The following IFT172 variants were observed in gnomAD, a reference collection of about 807,000 sequenced individuals.
The protein encoded by IFT172 is intraflagellar transport 172, also known as intraflagellar transport protein 172 homolog.
In IFT172, 164 loss-of-function variants were observed where a neutral mutation model predicts 248.9. That is an observed-to-expected ratio of 0.66 (90% CI 0.58 to 0.75). The LOEUF is 0.75. Among genes scored for constraint, IFT172 ranks in the 30% least tolerant of loss-of-function variants. The pLI is 0.00. For synonymous variants in IFT172, 729 were observed against 791.6 expected (o/e 0.92, Z 1.33); for missense variants, 1,950 against 2,192.4 (o/e 0.89, Z 2.21).
At chr2:27,467,418 GAAAAAAAAAAAAAAA>G (rs34115935) in intron 16 of IFT172, among the ~76,000 whole-genome samples, 474 of 16,436 alleles carry the variant, frequency 0.029, 11 homozygotes, top group Non-Finnish European at 0.039. Flanking sequence ...ACAGAAAATT[GAAAAAAAAAAAAAAA>G]AAAAAAAAAA....
At chr2:27,457,094 G>C (rs899084153) in intron 29 of IFT172, among the ~76,000 whole-genome samples, 1 of 151,976 alleles carries the variant, frequency 6.6e-6, no homozygotes, top group Non-Finnish European at 1.5e-5. Context: ...TAAATTTCAG[G>C]GTTTCTTAAC....
At chr2:27,460,812 T>G (rs1218201637) in intron 23 of IFT172, among the ~76,000 whole-genome samples, 1 of 135,874 alleles carries the variant, frequency 7.4e-6, no homozygotes, top group Non-Finnish European at 1.6e-5. Flanking sequence ...GGATCCTCCA[T>G]ATGCTGAACG....
rs763640881 is a variant in IFT172, at chr2:27,458,848, A to G, written c.2808T>C (p.Thr936=). The G allele has an allele frequency of 6.2e-7, 1 of 1,614,178 alleles. No individual in the cohort carries two copies. Among genetic ancestry groups the G allele is most frequent in the South Asian group, 1.1e-5 (1 of 91,080 alleles). Reference sequence around the variant, plus strand: ...TGGCATCTTTTGTCCGATCTCCCTTAGTATAGAGCTCCTCAGCAATCTGTA... The same window carrying G: ...TGGCATCTTTTGTCCGATCTCCCTTGGTATAGAGCTCCTCAGCAATCTGTA... ...QEYEIAEELY[T]KGDRTKDAID... is the part of the protein sequence containing the mutation. Residue 936 remains threonine (T), a synonymous_variant, in exon 26 of 48, where the codon ACT becomes ACC. Transcript: ENST00000260570.
chr2:27,483,601 T>A lies in IFT172; in HGVS notation c.461A>T (p.Tyr154Phe), dbSNP rs763070687. The change falls in exon 6 of 48, where the codon TAC becomes TTC. Residue 154 changes from tyrosine (Y) to phenylalanine (F), a missense_variant. Coordinates refer to ENST00000260570, the MANE Select transcript of IFT172 (RefSeq NM_015662.3). ...KSSTIYGTES[Y>F]VVSLTTNCSG... ...TCACTTTGTTGTCAGGGACACCACGTAAGACTCTGTCCCATAGATGGTAGA... is the reference window on the plus strand; with the variant it reads ...TCACTTTGTTGTCAGGGACACCACGAAAGACTCTGTCCCATAGATGGTAGA... 1.2e-6 allele frequency: 2 copies of A among 1,614,162 alleles called. No individual in the cohort carries two copies. The highest frequency in any genetic ancestry group is 4.5e-5 in the East Asian group (2 of 44,884).
intron 14 of IFT172, among the ~76,000 whole-genome samples, chr2:27,473,599 T>C (rs1325459789): frequency 6.6e-6 from 1 of 151,080 alleles, no homozygotes; most frequent in Non-Finnish European, 1.5e-5. Flanking sequence ...CGTGAGCCAC[T>C]GCGCCTGGCC....
Position 27,445,275 on chromosome 2 carries a change from G to A in IFT172, c.5068+21C>T, listed in dbSNP as rs778545853. ...TGCTTTCTACCCACCACAGGATCTG[G>A]GGTGCTGTAGGCTTCTATACCTGTA... is the stretch of plus-strand genomic sequence containing the variant. On this transcript the variant is annotated intron_variant, in intron 46 of 47. Transcript: ENST00000260570. The surrounding 1 kb of genome is among the most constrained non-coding windows in gnomAD (Gnocchi z 4.4). 4.9e-5 allele frequency: 78 copies of A among 1,600,832 alleles called. 1 individual carries two copies. The South Asian group carries it at 8.7e-4, about 18-fold the overall frequency.
Position 27,445,101 on chromosome 2 carries a change from G to A in IFT172, c.5073C>T (p.Tyr1691=). The change falls in exon 47 of 48, where the codon TAC becomes TAT. Residue 1691 remains tyrosine, a synonymous_variant. Coordinates refer to ENST00000260570, the MANE Select transcript of IFT172 (RefSeq NM_015662.3). This position sits in a 1 kb window ranked among gnomAD's most constrained non-coding sequence, Gnocchi z 4.4. ...VRALPCLITG[Y]PILRNKIEFK... ...ATTCAATTTTGTTCCTCAGAATGGG[G>A]TATCCTGTGGAGGAAGAAAAAATGA... 2 of 1,614,032 alleles carry A rather than the reference G, an allele frequency of 1.2e-6. No homozygotes were observed. The highest frequency in any genetic ancestry group is 1.7e-6 in the Non-Finnish European group (2 of 1,180,010).
chr2:27,471,040 G>A lies in IFT172; in HGVS notation c.1580C>T (p.Ser527Phe). 6.2e-7 allele frequency: 1 copy of A among 1,613,312 alleles called. No individual in the cohort carries two copies. Among genetic ancestry groups the A allele is most frequent in the Admixed American group, 1.7e-5 (1 of 59,688 alleles). Residue 527 changes from serine to phenylalanine, a missense_variant, in exon 16 of 48, where the codon TCC becomes TTC. By Grantham distance (155) the Ser-to-Phe change is radical. Transcript: ENST00000260570. Reference sequence around the variant, plus strand: ...ACTTCCTGGGACCCACTGCATATAGGAGCAGAAGTTGAGGATCATTGTCTT... The same window carrying A: ...ACTTCCTGGGACCCACTGCATATAGAAGCAGAAGTTGAGGATCATTGTCTT... Reference protein sequence around the residue: ...CSKTMILNFCSYMQWVPGSDV... With the variant: ...CSKTMILNFCFYMQWVPGSDV...
chr2:27,447,364 A>G, intron 42 of IFT172, 151 bp downstream of exon 42: 3 of 1,212,122 alleles, frequency 2.5e-6, no homozygotes, highest in South Asian at 3.0e-5. Context: ...AGCAAGGGCT[A>G]AAGATTTGTT....
Position 27,462,809 on chromosome 2 carries a change from G to T in IFT172, c.2023-16C>A, listed in dbSNP as rs754912125. The T allele has an allele frequency of 6.2e-7, 1 of 1,613,002 alleles. No individual in the cohort carries two copies. Among genetic ancestry groups the T allele is most frequent in the Non-Finnish European group, 8.5e-7 (1 of 1,178,984 alleles). Reference sequence around the variant, plus strand: ...CTTCTCCGCCCTGTGGGGGAAAAAGGAGGTTCTGATTTTTCTGTAGGTGCT... The same window carrying T: ...CTTCTCCGCCCTGTGGGGGAAAAAGTAGGTTCTGATTTTTCTGTAGGTGCT... On this transcript the variant is annotated splice_polypyrimidine_tract_variant and intron_variant, in intron 19 of 47. Coordinates refer to ENST00000260570, the MANE Select transcript of IFT172 (RefSeq NM_015662.3).
At chr2:27,474,132 T>A (rs1222160689) in intron 14 of IFT172, among the ~76,000 whole-genome samples, 1 of 152,174 alleles carries the variant, frequency 6.6e-6, no homozygotes, top group African/African-American at 2.4e-5. Flanking sequence ...TTTACATACA[T>A]TGAAAATGAG....
At chr2:27,452,015 G>T (rs1370860358) in intron 35 of IFT172, among the ~76,000 whole-genome samples, 1 of 150,988 alleles carries the variant, frequency 6.6e-6, no homozygotes, top group African/African-American at 2.4e-5. Context: ...ATATGTTATT[G>T]TTAACTTTAT....
At position 27,445,105 on chromosome 2, in the gene IFT172, C is replaced by A; in HGVS notation, c.5069G>T (p.Gly1690Val). The change falls in exon 47 of 48, where the codon GGA (glycine) becomes GTA (valine). Residue 1690 changes from glycine (G) to valine (V), a missense_variant and splice_region_variant. This residue lies in a region of IFT172 where 620 missense variants were observed against 699.0 expected (regional missense o/e 0.89). Coordinates refer to ENST00000260570, the MANE Select transcript of IFT172 (RefSeq NM_015662.3). The surrounding 1 kb of genome is among the most constrained non-coding windows in gnomAD (Gnocchi z 4.4). ...GVRALPCLIT[G>V]YPILRNKIEF... is the part of the protein sequence containing the mutation. ...AATTTTGTTCCTCAGAATGGGGTAT[C>A]CTGTGGAGGAAGAAAAAATGATGAA... The A allele has an allele frequency of 6.2e-7, 1 of 1,613,782 alleles. No individual in the cohort carries two copies. The highest frequency in any genetic ancestry group is 8.5e-7 in the Non-Finnish European group (1 of 1,179,940).
chr2:27,453,257 T>C (rs957741972), intron 35 of IFT172, 127 bp downstream of exon 35: 22 of 1,245,134 alleles, frequency 1.8e-5, no homozygotes, highest in Admixed American at 1.2e-4. Context: ...AGGCACTCCA[T>C]AGATTCCTGC....
chr2:27,446,130 C>G, intron 43 of IFT172, 130 bp downstream of exon 43: 1 of 1,323,888 alleles, frequency 7.6e-7, no homozygotes, highest in South Asian at 1.2e-5. Flanking sequence ...TCCAGGAAGA[C>G]ATAGGAGGAC....
chr2:27,468,598 C>A (rs1249911541), intron 16 of IFT172, among the ~76,000 whole-genome samples: 1 of 151,926 alleles, frequency 6.6e-6, no homozygotes, highest in East Asian at 1.9e-4. Flanking sequence ...GCCTGTAATC[C>A]CAGCACTTTG....
At chr2:27,457,305 C>T (rs973263587) in intron 29 of IFT172, among the ~76,000 whole-genome samples, 16 of 152,128 alleles carry the variant, frequency 1.1e-4, no homozygotes, top group South Asian at 6.2e-4. Flanking sequence ...CAAGGTGGCT[C>T]ATAGCTGTAA....
At chr2:27,462,094 T>C (rs1666724740) in intron 20 of IFT172, among the ~76,000 whole-genome samples, 1 of 151,860 alleles carries the variant, frequency 6.6e-6, no homozygotes, top group African/African-American at 2.4e-5. Flanking sequence ...TGCAGTTGTG[T>C]GATCTCGGGC....
In IFT172 at chr2:27,472,315, G is replaced by A. The variant is rs143520040; in HGVS notation, c.1459C>T (p.Arg487Cys). 3.4e-4 allele frequency: 554 copies of A among 1,614,100 alleles called. 1 individual carries two copies. The highest frequency in any genetic ancestry group is 1.6e-4 in the Middle Eastern group (1 of 6,062). The change falls in exon 15 of 48, where the codon CGT becomes TGT. Residue 487 changes from arginine to cysteine, a missense_variant. Arg to Cys is a radical substitution (Grantham distance 180, BLOSUM62 -3). This residue lies in a region of IFT172 where 1,166 missense variants were observed against 1,254.1 expected (regional missense o/e 0.93). Transcript: ENST00000260570. ...YNIGTVSHES[R>C]VDWLELNETG... ...TCATTAAGTTCCAGCCAATCCACAC[G>A]GCTCTCATGGCTGACGGTGCCAATG...
Sources: gnomAD v4.1 joint callset for allele counts (sites outside exome capture counted in the v4.1 genomes callset) on GRCh38, gnomAD v4.1.1 for gene constraint, gnomAD v4.1.1 regional missense constraint, Gnocchi (gnomAD v3.1) non-coding constraint, MANE v1.5 for transcripts, NCBI Gene and HGNC (gene_info 2026-07-23, HGNC 2026-07-21) for gene names.